The following TMT1B variants were observed in gnomAD, a reference collection of about 807,000 sequenced individuals.
TMT1B encodes thiol S-methyltransferase TMT1B.
the TMT1B span, chr12:55,684,262 C>T: frequency 5.1e-5 from 28 of 545,540 alleles, no homozygotes; most frequent in South Asian, 1.0e-4. Flanking sequence ...TCTACTTCTA[C>T]GCTGACCCAG....
the TMT1B span, chr12:55,681,960 C>T: frequency 1.1e-4 from 185 of 1,614,086 alleles, no homozygotes; most frequent in Non-Finnish European, 1.5e-4. Flanking sequence ...ACAGGAGCCT[C>T]CGGGAAAGTG....
At chr12:55,682,783 C>CA in the TMT1B span, among the ~76,000 whole-genome samples, 25 of 118,924 alleles carry the variant, frequency 2.1e-4, no homozygotes, top group Middle Eastern at 3.9e-3. Flanking sequence ...GACCCTGTAT[C>CA]AAAAAAAATA....
the TMT1B span, chr12:55,681,921 G>T: frequency 6.2e-7 from 1 of 1,613,968 alleles, no homozygotes; most frequent in East Asian, 2.2e-5. Flanking sequence ...AGCAAGAAAC[G>T]GGAGCTCTTC....
chr12:55,683,181 G>A, the TMT1B span, among the ~76,000 whole-genome samples: 1 of 152,158 alleles, frequency 6.6e-6, no homozygotes, highest in African/African-American at 2.4e-5. Flanking sequence ...TTGTGAGAGA[G>A]GTTGTGCGTG....
At chr12:55,682,098 G>A in the TMT1B span, 4 of 1,614,080 alleles carry the variant, frequency 2.5e-6, no homozygotes, top group Non-Finnish European at 2.5e-6. Flanking sequence ...GCTGAGAACA[G>A]GCACCTCCAA....
At chr12:55,681,845 C>T in the TMT1B span, 1 of 1,577,566 alleles carries the variant, frequency 6.3e-7, no homozygotes, top group Non-Finnish European at 8.6e-7. Flanking sequence ...CTGGCAGCCC[C>T]TGTGCAAAAG....
chr12:55,684,215 T>C, the TMT1B span: 1 of 648,580 alleles, frequency 1.5e-6, no homozygotes, highest in South Asian at 1.9e-5. Context: ...GCCAGGGCAA[T>C]CTCTAACTTC....
chr12:55,682,806 A>AAT, the TMT1B span, among the ~76,000 whole-genome samples: 15 of 54,608 alleles, frequency 2.7e-4, no homozygotes, highest in African/African-American at 7.6e-4. Context: ...TAAATAAATA[A>AAT]AAAGAGAGAG....
the TMT1B span, among the ~76,000 whole-genome samples, chr12:55,683,601 A>G: frequency 1.3e-5 from 2 of 152,004 alleles, no homozygotes; most frequent in African/African-American, 4.8e-5. Flanking sequence ...AAGATCTCCC[A>G]CCAGCCACTC....
At chr12:55,682,607 CAAAAAAAA>C in the TMT1B span, among the ~76,000 whole-genome samples, 1 of 104,178 alleles carries the variant, frequency 9.6e-6, no homozygotes, top group Non-Finnish European at 1.9e-5. Flanking sequence ...GCCGTCTCTA[CAAAAAAAA>C]AAAAAAAAAA....
At chr12:55,684,297 T>G in the TMT1B span, 4 of 470,230 alleles carry the variant, frequency 8.5e-6, no homozygotes, top group Non-Finnish European at 1.6e-5. Context: ...GACCCTGTTG[T>G]ATCCTCAACT....
the TMT1B span, chr12:55,684,200 C>A: frequency 1.4e-6 from 1 of 707,826 alleles, no homozygotes; most frequent in Non-Finnish European, 2.4e-6. Flanking sequence ...CTCTCCCCAA[C>A]CTCTGCCAGG....
chr12:55,683,672 G>A, the TMT1B span: 4 of 784,448 alleles, frequency 5.1e-6, no homozygotes, highest in Non-Finnish European at 8.5e-6. Flanking sequence ...TGCAGAAAAG[G>A]TCAGGGGCAC....
At chr12:55,684,337 T>C in the TMT1B span, 24 of 385,492 alleles carry the variant, frequency 6.2e-5, no homozygotes, top group African/African-American at 4.9e-4. Context: ...TCCCAACGTT[T>C]GCCTCCCAAT....
At chr12:55,682,142 A>G in the TMT1B span, 1 of 1,613,976 alleles carries the variant, frequency 6.2e-7, no homozygotes, top group Admixed American at 1.7e-5. Context: ...TGGAGAGGAC[A>G]TGAGACAGCT....
the TMT1B span, chr12:55,684,091 C>A: frequency 6.3e-7 from 1 of 1,583,200 alleles, no homozygotes; most frequent in South Asian, 1.1e-5. Flanking sequence ...CCTTCCCCAG[C>A]CTCCAATTAG....
chr12:55,684,051 CT>C, the TMT1B span: 1 of 1,612,444 alleles, frequency 6.2e-7, no homozygotes, highest in East Asian at 2.2e-5. Flanking sequence ...GTCAAATAAT[CT>C]TTCCCAAGCT....
the TMT1B span, among the ~76,000 whole-genome samples, chr12:55,683,163 T>C: frequency 6.6e-6 from 1 of 152,170 alleles, no homozygotes; most frequent in Non-Finnish European, 1.5e-5. Flanking sequence ...TGTGCATGCA[T>C]CTGGGTTTTG....
At chr12:55,684,103 A>T in the TMT1B span, 1 of 1,531,250 alleles carries the variant, frequency 6.5e-7, no homozygotes, top group East Asian at 2.3e-5. Context: ...TCCAATTAGA[A>T]CAAGCCACCC....
Sources: allele counts gnomAD v4.1 joint callset (sites outside exome capture counted in the v4.1 genomes callset), GRCh38; gene constraint gnomAD v4.1.1; transcripts MANE v1.5; gene names NCBI Gene and HGNC (gene_info 2026-07-23, HGNC 2026-07-21).